Variants in CTNS observed in about 807,000 individuals in gnomAD.
CTNS encodes the protein cystinosin.
CTNS carries 27 observed loss-of-function variants against 43.7 expected under a neutral mutation model. That is an observed-to-expected ratio of 0.62 (90% CI 0.46 to 0.85). CTNS has a LOEUF of 0.85. Ranked by LOEUF, CTNS falls within the 40% of genes least tolerant of loss-of-function variation. The pLI is 0.00. For synonymous variants in CTNS, 187 were observed against 190.6 expected (o/e 0.98, Z 0.16); for missense variants, 457 against 475.4 (o/e 0.96, Z 0.36).
chr17:3,642,474 G>A (rs2075744687), intron 3 of CTNS, among the ~76,000 whole-genome samples: 1 of 152,004 alleles, frequency 6.6e-6, no homozygotes, highest in South Asian at 2.1e-4. Context: ...GATCTCTTGA[G>A]GTCAGGAGTT....
At chr17:3,655,622 A>G (rs2076111233) in intron 7 of CTNS, 20 of 351,792 alleles carry the variant, frequency 5.7e-5, no homozygotes, top group Non-Finnish European at 9.4e-5. Flanking sequence ...TGGGCGGGGG[A>G]GGGAGGGCAG....
rs2076259328 is a variant in CTNS at position 3,660,485 on chromosome 17, G to A, written c.*116G>A. 13 of 1,612,622 alleles carry A rather than the reference G, an allele frequency of 8.1e-6. No homozygotes were observed. The highest frequency in any genetic ancestry group is 4.0e-5 in the African/African-American group (3 of 75,044). On this transcript the variant is annotated 3_prime_UTR_variant, in exon 12 of 12. Transcript: ENST00000046640. ...GGCACACAGGGCTGGCTCAGTGTGCGGACAGAGGAGACCACTCTGCTCCTG... is the reference window on the plus strand; with the variant it reads ...GGCACACAGGGCTGGCTCAGTGTGCAGACAGAGGAGACCACTCTGCTCCTG...
intron 7 of CTNS, 79 bp from the exon 8 acceptor site, chr17:3,656,408 A>C (rs1597653329): frequency 3.8e-6 from 1 of 261,348 alleles, no homozygotes; most frequent in Non-Finnish European, 7.3e-6. Flanking sequence ...CACCCCCGCC[A>C]GTCCTCACCC....
At chr17:3,657,841 C>A in intron 9 of CTNS, 164 bp from the exon 10 acceptor site, 1 of 704,192 alleles carries the variant, frequency 1.4e-6, no homozygotes, top group Non-Finnish European at 2.5e-6. Context: ...CCACATGTTC[C>A]CCTGCCACAA....
rs2076271783 is a variant in CTNS, at chr17:3,661,218, G to A, written c.*849G>A. The stretch of plus-strand genomic sequence containing the variant: ...AGAGGTCTGTTAGGCCTGCCAAACG[G>A]CGACCAGCTCCCCTGGAGCGAGGGC... On this transcript the variant is annotated 3_prime_UTR_variant, in exon 12 of 12. Coordinates refer to ENST00000046640, the MANE Select transcript of CTNS (RefSeq NM_004937.3). 1 of 204,600 alleles carries A rather than the reference G, an allele frequency of 4.9e-6. No individual in the cohort carries two copies. Among genetic ancestry groups the A allele is most frequent in the African/African-American group, 2.3e-5 (1 of 43,138 alleles). 12.7% of individuals were successfully genotyped at this position (204,600 alleles called of 1,614,324 possible).
In CTNS at chr17:3,660,541, G is replaced by A. The variant is rs981157553; in HGVS notation, c.*172G>A. Reference sequence around the variant, plus strand: ...AGAGGCCATTCAATAGCCTGCCTTCGTCCGGGCCCCTCCTGGGCCTCCCCG... The same window carrying A: ...AGAGGCCATTCAATAGCCTGCCTTCATCCGGGCCCCTCCTGGGCCTCCCCG... On this transcript the variant is annotated 3_prime_UTR_variant, in exon 12 of 12. Transcript: ENST00000046640. 116 of 1,612,550 alleles carry A rather than the reference G, an allele frequency of 7.2e-5. No homozygotes were observed. Among genetic ancestry groups the A allele is most frequent in the Middle Eastern group, 3.4e-4 (2 of 5,854 alleles).
chr17:3,657,647 G>A, intron 9 of CTNS: 1 of 366,852 alleles, frequency 2.7e-6, no homozygotes, highest in Non-Finnish European at 5.2e-6. Flanking sequence ...GAGGCACCAG[G>A]CCACCAGAGT....
chr17:3,658,000 CCCAGCGCGGTGG>C lies in CTNS; in HGVS notation c.686_697del (p.Gly229_Arg232del). On this transcript the variant is annotated splice_acceptor_variant and splice_polypyrimidine_tract_variant and coding_sequence_variant and intron_variant, in exon 10 of 12. Coordinates refer to ENST00000046640, the MANE Select transcript of CTNS (RefSeq NM_004937.3). LOFTEE classifies it high-confidence loss of function. ...TCCACATCTCTGCCCTCCTCTCGCC[CCCAGCGCGGTGG>C]CCAGCGCGTGTCCTGGCCTGCCATC... The C allele has an allele frequency of 1.2e-6, 2 of 1,608,164 alleles. No individual in the cohort carries two copies. Among genetic ancestry groups the C allele is most frequent in the South Asian group, 1.1e-5 (1 of 90,992 alleles).
At chr17:3,654,057 C>A (rs1368163369) in intron 5 of CTNS, among the ~76,000 whole-genome samples, 2 of 152,140 alleles carry the variant, frequency 1.3e-5, no homozygotes, top group Non-Finnish European at 2.9e-5. Context: ...GGCAGCCAGG[C>A]TGGCACAGGG....
chr17:3,647,221 G>A (rs957507817), intron 3 of CTNS, among the ~76,000 whole-genome samples: 5 of 152,298 alleles, frequency 3.3e-5, no homozygotes, highest in East Asian at 3.9e-4. Context: ...GGAGGAGGAC[G>A]CTCCGGCGTT....
chr17:3,641,385 T>TATATATATATATATATATATATATATATA (rs57286057), intron 3 of CTNS, among the ~76,000 whole-genome samples: 2 of 42,074 alleles, frequency 4.8e-5, no homozygotes, highest in African/African-American at 2.0e-4. Flanking sequence ...TATATATATA[T>TATATATATATATATATATATATATATATA]TTTTTTTTTT....
rs1407446910 is a variant in CTNS, at chr17:3,660,789, A to G, written c.*420A>G. ...TGCTGCCACCGCTGCATTCCCAGAG[A>G]TCAAGCAGCCCGGTGCCGTGGCCAG... On this transcript the variant is annotated 3_prime_UTR_variant, in exon 12 of 12. Coordinates refer to ENST00000046640, the MANE Select transcript of CTNS (RefSeq NM_004937.3). The G allele has an allele frequency of 1.1e-5, 17 of 1,611,548 alleles. No homozygotes were observed. Among genetic ancestry groups the G allele is most frequent in the East Asian group, 6.7e-5 (3 of 44,828 alleles).
chr17:3,658,311 G>GCTCCCGCTGGGCTCC, intron 10 of CTNS, 136 bp downstream of exon 10: 1 of 1,234,298 alleles, frequency 8.1e-7, no homozygotes, highest in Non-Finnish European at 1.1e-6. Flanking sequence ...CGGGAGCCCA[G>GCTCCCGCTGGGCTCC]CGGGAGCGGG....
intron 5 of CTNS, among the ~76,000 whole-genome samples, chr17:3,652,152 G>A (rs1036350148): frequency 1.3e-5 from 2 of 152,116 alleles, no homozygotes; most frequent in Admixed American, 6.5e-5. Flanking sequence ...TTAGAACATG[G>A]GAGTTGAGTG....
At chr17:3,649,480 A>G (rs1426648790) in intron 5 of CTNS, among the ~76,000 whole-genome samples, 2 of 151,500 alleles carry the variant, frequency 1.3e-5, no homozygotes, top group African/African-American at 4.9e-5. Flanking sequence ...AGTTCTTACA[A>G]TTTTCAAGGC....
rs1364832498 is a variant in CTNS at position 3,662,825 on chromosome 17, G to C, written c.*2456G>C. 3 of 152,096 alleles carry C rather than the reference G, an allele frequency of 2.0e-5. No homozygotes were observed. Among genetic ancestry groups the C allele is most frequent in the Non-Finnish European group, 4.4e-5 (3 of 68,030 alleles). 9.4% of individuals were successfully genotyped at this position (152,096 alleles called of 1,614,324 possible). On this transcript the variant is annotated 3_prime_UTR_variant, in exon 12 of 12. Transcript: ENST00000046640. ...GGATGGGGCCATCATTAAAACCACA[G>C]CTCTGGCCCCAATATCCCACCGCCA...
chr17:3,653,882 A>AG (rs943577255), intron 5 of CTNS, among the ~76,000 whole-genome samples: 8 of 7,090 alleles, frequency 1.1e-3, no homozygotes, highest in African/African-American at 1.2e-3. Context: ...ATCTCGGGGG[A>AG]AAAATAAAGT....
intron 5 of CTNS, among the ~76,000 whole-genome samples, chr17:3,651,243 C>T (rs1202696343): frequency 2.0e-5 from 3 of 151,936 alleles, no homozygotes; most frequent in African/African-American, 4.8e-5. Context: ...TACAGGCACA[C>T]ACCACCACAC....
Position 3,660,841 on chromosome 17 carries a change from C to T in CTNS, c.*472C>T. 6.5e-7 allele frequency: 1 copy of T among 1,542,596 alleles called. No individual in the cohort carries two copies. Among genetic ancestry groups the T allele is most frequent in the Admixed American group, 1.9e-5 (1 of 53,712 alleles). Reference sequence around the variant, plus strand: ...GAACTCAGAGGTGCTGGTGGACGGGCTAGGACTTTGGGGTTAGGCCATGGG... The same window carrying T: ...GAACTCAGAGGTGCTGGTGGACGGGTTAGGACTTTGGGGTTAGGCCATGGG... On this transcript the variant is annotated 3_prime_UTR_variant, in exon 12 of 12. Coordinates refer to ENST00000046640, the MANE Select transcript of CTNS (RefSeq NM_004937.3).
Sources: gnomAD v4.1 joint callset for allele counts (sites outside exome capture counted in the v4.1 genomes callset) on GRCh38, gnomAD v4.1.1 for gene constraint, MANE v1.5 for transcripts, NCBI Gene and HGNC (gene_info 2026-07-23, HGNC 2026-07-21) for gene names.